The following DISP2 variants were observed in gnomAD, a reference collection of about 807,000 sequenced individuals.
DISP2 encodes protein dispatched homolog 2.
A neutral mutation model predicts 95.5 loss-of-function variants in DISP2; 59 were observed. The ratio of observed to expected loss-of-function variants is 0.62; its 90% confidence interval spans 0.50 to 0.77. DISP2 has a LOEUF of 0.77. Ranked by LOEUF, DISP2 falls within the 30% of genes least tolerant of loss-of-function variation. The probability of loss-of-function intolerance (pLI) is 0.00; values close to 1 mark genes in which losing one functional copy is unlikely to be tolerated. For missense variants in DISP2, 1,752 were observed against 1,854.6 expected, an observed-to-expected ratio of 0.94 and a Z score of 1.02; for synonymous variants, 827 against 815.0, an observed-to-expected ratio of 1.01 and a Z score of -0.25.
rs766771584 is a variant in DISP2 at position 40,364,479 on chromosome 15, A to G, written c.538A>G (p.Ile180Val). Residue 180 changes from isoleucine (I) to valine (V), a missense_variant, in exon 4 of 8, where the codon ATC becomes GTC. Transcript: ENST00000267889. ...CGTGCTGATGCTGTGTCTGGCTGTC[A>G]TCTTCCTCTGCACCCTGGCTGGACT... Reference protein sequence around the residue: ...VAVLMLCLAVIFLCTLAGLLG... With the variant: ...VAVLMLCLAVVFLCTLAGLLG... 1.2e-6 allele frequency: 2 copies of G among 1,614,046 alleles called. No individual in the cohort carries two copies. The highest frequency in any genetic ancestry group is 1.7e-6 in the Non-Finnish European group (2 of 1,180,026).
chr15:40,368,109 G>A lies in DISP2; in HGVS notation c.1997G>A (p.Arg666Gln), dbSNP rs1189607456. 1.5e-6 allele frequency: 2 copies of A among 1,358,178 alleles called. No homozygotes were observed. The highest frequency in any genetic ancestry group is 1.9e-6 in the Non-Finnish European group (2 of 1,064,566). The allele number at this position is 1,358,178 out of a possible 1,614,324, so 84.1% of individuals were successfully genotyped here. ...GGCCGGTGGGAGGGCAGCGCGCCCC[G>A]GCGGCTACTGCTGGCGCTGCACCGG... ...ARGRWEGSAP[R>Q]RLLLALHRRL... Residue 666 changes from arginine (R) to glutamine (Q), a missense_variant, in exon 8 of 8, where the codon CGG becomes CAG. Around this residue, in one of 5 missense-constraint regions of DISP2, gnomAD observed 732 missense variants for 714.6 expected, o/e 1.02. Transcript: ENST00000267889.
rs1255961670 is a variant in DISP2, at chr15:40,373,965, C to G, written c.*3647C>G. 1.4e-5 allele frequency: 2 copies of G among 143,854 alleles called. No individual in the cohort carries two copies. The highest frequency in any genetic ancestry group is 5.2e-5 in the African/African-American group (2 of 38,128). 8.9% of individuals were successfully genotyped at this position (143,854 alleles called of 1,614,324 possible). A position where few individuals can be genotyped will look rare whatever the true frequency, so the allele number is the denominator to read the frequency against. On this transcript the variant is annotated 3_prime_UTR_variant, in exon 8 of 8. Coordinates refer to ENST00000267889, the MANE Select transcript of DISP2 (RefSeq NM_033510.3). ...CTTGCAGTAAGCCGAGATTGCGCCA[C>G]TGCACTCCAGCCTGGGCAACAGAGC...
At position 40,370,466 on chromosome 15, in the gene DISP2, G is replaced by A; in HGVS notation, c.*148G>A. Reference sequence around the variant, plus strand: ...CTGTGGATGTTAAACCCTGCCAGATGTCCCAGCCTTGATCTGTCTGCTCCT... The same window carrying A: ...CTGTGGATGTTAAACCCTGCCAGATATCCCAGCCTTGATCTGTCTGCTCCT... On this transcript the variant is annotated 3_prime_UTR_variant, in exon 8 of 8. Coordinates refer to ENST00000267889, the MANE Select transcript of DISP2 (RefSeq NM_033510.3). The A allele has an allele frequency of 7.6e-7, 1 of 1,312,952 alleles. No individual in the cohort carries two copies. Among genetic ancestry groups the A allele is most frequent in the East Asian group, 2.5e-5 (1 of 39,336 alleles). 81.3% of individuals were successfully genotyped at this position (1,312,952 alleles called of 1,614,324 possible). A position where few individuals can be genotyped will look rare whatever the true frequency, so the allele number is the denominator to read the frequency against.
Position 40,370,048 on chromosome 15 carries a change from C to T in DISP2, c.3936C>T (p.Ser1312=), listed in dbSNP as rs769165921. 68 of 1,614,114 alleles carry T rather than the reference C, an allele frequency of 4.2e-5. No individual in the cohort carries two copies. The highest frequency in any genetic ancestry group is 3.8e-4 in the East Asian group (17 of 44,890). Residue 1312 remains serine, a synonymous_variant, in exon 8 of 8, where the codon TCC becomes TCT. Coordinates refer to ENST00000267889, the MANE Select transcript of DISP2 (RefSeq NM_033510.3). ...AGCCCAGTGCCCGTGTACCAGATTC[C>T]GTGGGTGTGTCCCCAGATGACCTGG... ...TSEPSARVPD[S]VGVSPDDLDD...
chr15:40,368,289 G>T lies in DISP2; in HGVS notation c.2177G>T (p.Arg726Leu), dbSNP rs765789305. Residue 726 changes from arginine (R) to leucine (L), a missense_variant, in exon 8 of 8, where the codon CGC becomes CTC. Around this residue, in one of 5 missense-constraint regions of DISP2, gnomAD observed 732 missense variants for 714.6 expected, o/e 1.02. Transcript: ENST00000267889. The stretch of plus-strand genomic sequence containing the variant: ...GCCTACATCGCCGGAGTCAGCCCCC[G>T]CCTGCGGCTGCCCACGCTGCCGCCG... ...GGAYIAGVSP[R>L]LRLPTLPPPG... The T allele has an allele frequency of 1.9e-6, 3 of 1,606,320 alleles. No individual in the cohort carries two copies. The highest frequency in any genetic ancestry group is 1.1e-5 in the South Asian group (1 of 90,802).
chr15:40,369,959 T>G lies in DISP2; in HGVS notation c.3847T>G (p.Cys1283Gly). 6.2e-7 allele frequency: 1 copy of G among 1,610,412 alleles called. No homozygotes were observed. Among genetic ancestry groups the G allele is most frequent in the African/African-American group, 1.3e-5 (1 of 75,008 alleles). The change falls in exon 8 of 8, where the codon TGT becomes GGT. Residue 1283 changes from cysteine (C) to glycine (G), a missense_variant. By Grantham distance (159) the Cys-to-Gly change is radical (BLOSUM62 -3). Transcript: ENST00000267889. ...AKAADPPDGF[C>G]SSASTLEGLS... ...GGCTGCAGATCCTCCTGATGGCTTC[T>G]GTTCCTCAGCCAGCACCCTGGAGGG... is the stretch of plus-strand genomic sequence containing the variant.
chr15:40,368,314 G>T lies in DISP2; in HGVS notation c.2202G>T (p.Pro734=). 1 of 1,603,194 alleles carries T rather than the reference G, an allele frequency of 6.2e-7. No individual in the cohort carries two copies. The highest frequency in any genetic ancestry group is 8.5e-7 in the Non-Finnish European group (1 of 1,176,412). ...GCCTGCGGCTGCCCACGCTGCCGCC[G>T]CCCGGCGGCCAGGTCTTCCGGCCCA... is the stretch of plus-strand genomic sequence containing the variant. ...SPRLRLPTLP[P]PGGQVFRPSH... is the part of the protein sequence containing the mutation. Residue 734 remains proline (P), a synonymous_variant, in exon 8 of 8, where the codon CCG becomes CCT. Coordinates refer to ENST00000267889, the MANE Select transcript of DISP2 (RefSeq NM_033510.3).
chr15:40,361,933 C>T (rs1595724182), intron 1 of DISP2, among the ~76,000 whole-genome samples: 1 of 152,328 alleles, frequency 6.6e-6, no homozygotes, highest in East Asian at 1.9e-4. Flanking sequence ...GCTGACCAGT[C>T]CAGAACCCCT....
Position 40,368,347 on chromosome 15 carries a change from C to G in DISP2, c.2235C>G (p.Pro745=). 6.2e-7 allele frequency: 1 copy of G among 1,605,430 alleles called. No homozygotes were observed. Among genetic ancestry groups the G allele is most frequent in the Non-Finnish European group, 8.5e-7 (1 of 1,178,566 alleles). ...GCCAGGTCTTCCGGCCCAGCCACCC[C>G]TTCGAGCGCTTCGACGCGGAGTATC... ...PGGQVFRPSH[P]FERFDAEYRQ... Residue 745 remains proline (P), a synonymous_variant, in exon 8 of 8, where the codon CCC becomes CCG. Coordinates refer to ENST00000267889, the MANE Select transcript of DISP2 (RefSeq NM_033510.3).
rs748227152 is a variant in DISP2 at position 40,363,837 on chromosome 15, T to C, written c.332T>C (p.Leu111Pro). The part of the protein sequence containing the change: ...EYQGGSSLPG[L>P]GDRAALCSHG... ...CAGGGGGGCAGTTCCCTGCCAGGACTTGGGGATCGGGCAGCTCTCTGCTCC... is the reference window on the plus strand; with the variant it reads ...CAGGGGGGCAGTTCCCTGCCAGGACCTGGGGATCGGGCAGCTCTCTGCTCC... The change falls in exon 2 of 8, where the codon CTT (leucine) becomes CCT (proline). Residue 111 changes from leucine (L) to proline (P), a missense_variant. Transcript: ENST00000267889. 1 of 1,611,426 alleles carries C rather than the reference T, an allele frequency of 6.2e-7. No individual in the cohort carries two copies. Among genetic ancestry groups the C allele is most frequent in the South Asian group, 1.1e-5 (1 of 90,834 alleles).
rs755817474 is a variant in DISP2, at chr15:40,368,229, G to A, written c.2117G>A (p.Trp706Ter). 2 of 1,610,732 alleles carry A rather than the reference G, an allele frequency of 1.2e-6. No individual in the cohort carries two copies. The highest frequency in any genetic ancestry group is 4.5e-5 in the East Asian group (2 of 44,812). ...GGCGTCATCAAGTTCCGCTACATCT[G>A]GATCTGCTGGTTCGCAGCACTGGCG... ...PCGVIKFRYI[W>*]ICWFAALAAG... Residue 706 changes from tryptophan to a stop codon, truncating the protein, a stop_gained, in exon 8 of 8, where the codon TGG becomes TAG. Coordinates refer to ENST00000267889, the MANE Select transcript of DISP2 (RefSeq NM_033510.3). LOFTEE classifies it high-confidence loss of function.
Position 40,364,895 on chromosome 15 carries a change from C to G in DISP2, c.661C>G (p.Gln221Glu). ...GSKLVVWRAL[Q>E]ALTGPRKLLF... ...CAAGTTAGTGGTCTGGAGAGCACTACAAGCCCTCACAGGCCCCAGGAAGCT... is the reference window on the plus strand; with the variant it reads ...CAAGTTAGTGGTCTGGAGAGCACTAGAAGCCCTCACAGGCCCCAGGAAGCT... The change falls in exon 5 of 8, where the codon CAA becomes GAA. Residue 221 changes from glutamine (Q) to glutamate (E), a missense_variant. Physicochemically the swap from Gln to Glu is conservative, Grantham distance 29. Transcript: ENST00000267889. 1.2e-6 allele frequency: 2 copies of G among 1,614,204 alleles called. No individual in the cohort carries two copies. The highest frequency in any genetic ancestry group is 1.7e-6 in the Non-Finnish European group (2 of 1,180,030).
chr15:40,368,740 A>G lies in DISP2; in HGVS notation c.2628A>G (p.Lys876=), dbSNP rs750727438. ...CCCAGTTTTTCCTGCACTGCCTGAA[A>G]ATGATGGCTCTGGAGCAAGGCCCCG... ...WAPQFFLHCL[K]MMALEQGPDG... is the part of the protein sequence containing the mutation. Residue 876 remains lysine (K), a synonymous_variant, in exon 8 of 8, where the codon AAA becomes AAG. Coordinates refer to ENST00000267889, the MANE Select transcript of DISP2 (RefSeq NM_033510.3). 3 of 1,613,678 alleles carry G rather than the reference A, an allele frequency of 1.9e-6. No individual in the cohort carries two copies. The highest frequency in any genetic ancestry group is 2.5e-6 in the Non-Finnish European group (3 of 1,180,018).
chr15:40,358,432 C>CCCGGA lies in DISP2; in HGVS notation c.113_117dup (p.Ser40ArgfsTer127). ...AGCCCTTGGCCCCAGACGGCGGCTC[C>CCCGGA]CCGGACAGGTAGGGCGGACAGCTCC... On this transcript the variant is annotated frameshift_variant, in exon 1 of 8. Coordinates refer to ENST00000267889, the MANE Select transcript of DISP2 (RefSeq NM_033510.3). LOFTEE classifies it high-confidence loss of function. The CCCGGA allele has an allele frequency of 7.6e-7, 1 of 1,319,058 alleles. No homozygotes were observed. The highest frequency in any genetic ancestry group is 9.7e-7 in the Non-Finnish European group (1 of 1,034,080). The allele number at this position is 1,319,058 out of a possible 1,614,324, so 81.7% of individuals were successfully genotyped here. A position where few individuals can be genotyped will look rare whatever the true frequency, so the allele number is the denominator to read the frequency against.
chr15:40,372,699 C>T lies in DISP2; in HGVS notation c.*2381C>T, dbSNP rs1405876463. The stretch of plus-strand genomic sequence containing the variant: ...TGGTGTCCCTCTGTCATCATGCAGC[C>T]AGGCTGAGAGAGCCCTGGTATCCTC... On this transcript the variant is annotated 3_prime_UTR_variant, in exon 8 of 8. Transcript: ENST00000267889. 1 of 152,234 alleles carries T rather than the reference C, an allele frequency of 6.6e-6. No homozygotes were observed. The highest frequency in any genetic ancestry group is 1.5e-5 in the Non-Finnish European group (1 of 68,050). The allele number at this position is 152,234 out of a possible 1,614,324, so 9.4% of individuals were successfully genotyped here.
Position 40,368,961 on chromosome 15 carries a change from G to A in DISP2, c.2849G>A (p.Arg950His), listed in dbSNP as rs780839027. 13 of 1,613,848 alleles carry A rather than the reference G, an allele frequency of 8.1e-6. No individual in the cohort carries two copies. The highest frequency in any genetic ancestry group is 1.1e-5 in the South Asian group (1 of 91,094). ...PGLRRGWFTS[R>H]LELYSLQHSL... Reference sequence around the variant, plus strand: ...CTCCGCCGTGGTTGGTTCACTAGCCGTCTAGAGCTGTATAGCCTGCAGCAC... The same window carrying A: ...CTCCGCCGTGGTTGGTTCACTAGCCATCTAGAGCTGTATAGCCTGCAGCAC... Residue 950 changes from arginine (R) to histidine (H), a missense_variant, in exon 8 of 8, where the codon CGT becomes CAT. This residue lies in a region of DISP2 where 317 missense variants were observed against 394.9 expected (regional missense o/e 0.80). Coordinates refer to ENST00000267889, the MANE Select transcript of DISP2 (RefSeq NM_033510.3).
intron 1 of DISP2, 131 bp from the exon 2 acceptor site, chr15:40,363,494 C>T (rs1889439228): frequency 5.9e-6 from 4 of 683,144 alleles, no homozygotes; most frequent in Non-Finnish European, 9.4e-6. Flanking sequence ...TCTCACTTCT[C>T]CCCCAGGACT....
Position 40,368,201 on chromosome 15 carries a change from T to A in DISP2, c.2089T>A (p.Cys697Ser). Residue 697 changes from cysteine (C) to serine (S), a missense_variant, in exon 8 of 8, where the codon TGC (cysteine) becomes AGC (serine). Around this residue, in one of 5 missense-constraint regions of DISP2, gnomAD observed 732 missense variants for 714.6 expected, o/e 1.02. Coordinates refer to ENST00000267889, the MANE Select transcript of DISP2 (RefSeq NM_033510.3). Reference protein sequence around the residue: ...SRLLFQRLLPCGVIKFRYIWI... With the variant: ...SRLLFQRLLPSGVIKFRYIWI... Reference sequence around the variant, plus strand: ...TCTGCTCTTCCAGCGCCTGCTGCCCTGCGGCGTCATCAAGTTCCGCTACAT... The same window carrying A: ...TCTGCTCTTCCAGCGCCTGCTGCCCAGCGGCGTCATCAAGTTCCGCTACAT... The A allele has an allele frequency of 6.2e-7, 1 of 1,608,176 alleles. No homozygotes were observed. Among genetic ancestry groups the A allele is most frequent in the Non-Finnish European group, 8.5e-7 (1 of 1,178,624 alleles).
intron 2 of DISP2, 65 bp from the exon 3 acceptor site, chr15:40,364,161 A>G: frequency 6.3e-7 from 1 of 1,594,042 alleles, no homozygotes; most frequent in Admixed American, 1.7e-5. Context: ...CCCCACCTCC[A>G]CCCCCAACAC....
Sources: allele counts gnomAD v4.1 joint callset (sites outside exome capture counted in the v4.1 genomes callset), GRCh38; gene constraint gnomAD v4.1.1; regional missense constraint gnomAD v4.1.1; transcripts MANE v1.5; gene names NCBI Gene and HGNC (gene_info 2026-07-23, HGNC 2026-07-21).